FBXO4: variants seen among roughly 807,000 people sequenced by gnomAD.
The protein encoded by FBXO4 is F-box protein 4, also known as F-box only protein 4.
In FBXO4, 36 loss-of-function variants were observed where a neutral mutation model predicts 43.7. The observed-to-expected ratio is 0.82, with a 90% CI of 0.63 to 1.09. FBXO4 has a LOEUF of 1.09. Among genes scored for constraint, FBXO4 ranks in the 50% least tolerant of loss-of-function variants. FBXO4 has a pLI of 0.00. For synonymous variants in FBXO4, 180 were observed against 165.6 expected, an observed-to-expected ratio of 1.09 and a Z score of -0.67; for missense variants, 435 against 474.1, an observed-to-expected ratio of 0.92 and a Z score of 0.77.
intron 1 of FBXO4, among the ~76,000 whole-genome samples, chr5:41,926,550 G>C (rs1397055302): frequency 6.6e-6 from 1 of 152,224 alleles, no homozygotes; most frequent in African/African-American, 2.4e-5. Flanking sequence ...TCCAGCCTGG[G>C]CGACAGAGCG....
chr5:41,952,059 T>C, the FBXO4 span: 5 of 224,814 alleles, frequency 2.2e-5, no homozygotes, highest in East Asian at 6.1e-4. Flanking sequence ...GCAGATGCTA[T>C]CACTTTTTCT....
At chr5:42,016,025 T>TA in the FBXO4 span, among the ~76,000 whole-genome samples, 14 of 152,096 alleles carry the variant, frequency 9.2e-5, no homozygotes, top group Admixed American at 7.9e-4. Context: ...GTAGAAATGT[T>TA]AAGTCTTGTG....
intron 5 of FBXO4, among the ~76,000 whole-genome samples, chr5:41,936,905 T>G (rs1157822355): frequency 6.9e-6 from 1 of 144,242 alleles, no homozygotes; most frequent in Non-Finnish European, 1.5e-5. Flanking sequence ...AGTTTTTTTG[T>G]TTTTTTTTTA....
At chr5:42,035,678 T>C in the FBXO4 span, among the ~76,000 whole-genome samples, 1 of 152,034 alleles carries the variant, frequency 6.6e-6, no homozygotes, top group Non-Finnish European at 1.5e-5. Context: ...CAAATAAAAA[T>C]CGTGTTCCAT....
the FBXO4 span, among the ~76,000 whole-genome samples, chr5:42,000,134 G>A: frequency 6.6e-6 from 1 of 152,136 alleles, no homozygotes; most frequent in African/African-American, 2.4e-5. Flanking sequence ...CATACATGTT[G>A]TCACAAATGG....
the FBXO4 span, among the ~76,000 whole-genome samples, chr5:41,974,035 T>C: frequency 6.6e-6 from 1 of 152,252 alleles, no homozygotes; most frequent in Non-Finnish European, 1.5e-5. Flanking sequence ...TTTTCAGCAC[T>C]GTAAAGCTAG....
intron 3 of FBXO4, among the ~76,000 whole-genome samples, chr5:41,932,609 A>G (rs1164690452): frequency 2.0e-5 from 3 of 152,244 alleles, no homozygotes; most frequent in African/African-American, 4.8e-5. Context: ...CTGAAGGGCA[A>G]TGGCTTTGTA....
chr5:42,023,484 T>C, the FBXO4 span, among the ~76,000 whole-genome samples: 9 of 152,244 alleles, frequency 5.9e-5, no homozygotes, highest in East Asian at 1.7e-3. Context: ...ATAGGTATTC[T>C]ATTTGGGTAC....
At chr5:42,011,024 C>T in the FBXO4 span, among the ~76,000 whole-genome samples, 2 of 152,164 alleles carry the variant, frequency 1.3e-5, no homozygotes, top group South Asian at 4.1e-4. Flanking sequence ...CATCCCTCCC[C>T]TAGCCCCCAA....
At chr5:41,958,425 G>T in the FBXO4 span, among the ~76,000 whole-genome samples, 1 of 152,136 alleles carries the variant, frequency 6.6e-6, no homozygotes, top group Non-Finnish European at 1.5e-5. Context: ...GAGCAGCCCT[G>T]CCAGCCAGCA....
At chr5:41,925,729 C>T (rs1751468015) in intron 1 of FBXO4, among the ~76,000 whole-genome samples, 1 of 152,076 alleles carries the variant, frequency 6.6e-6, no homozygotes, top group Non-Finnish European at 1.5e-5. Flanking sequence ...GAAGCACCTT[C>T]ATGGGGCCCC....
At chr5:41,968,670 C>T in the FBXO4 span, among the ~76,000 whole-genome samples, 1 of 152,044 alleles carries the variant, frequency 6.6e-6, no homozygotes, top group Non-Finnish European at 1.5e-5. Context: ...TGATTAAACA[C>T]CTTTTTTTAA....
At chr5:41,935,953 T>G (rs891068442) in intron 5 of FBXO4, among the ~76,000 whole-genome samples, 1 of 152,224 alleles carries the variant, frequency 6.6e-6, no homozygotes, top group Non-Finnish European at 1.5e-5. Context: ...GAATTTAAAG[T>G]CTGTGTGTTA....
chr5:41,926,017 A>T (rs1281595063), intron 1 of FBXO4, among the ~76,000 whole-genome samples: 1 of 152,236 alleles, frequency 6.6e-6, no homozygotes, highest in African/African-American at 2.4e-5. Flanking sequence ...TTGAAAATAA[A>T]TGACTTAAGT....
the FBXO4 span, among the ~76,000 whole-genome samples, chr5:42,011,456 T>C: frequency 2.6e-5 from 4 of 152,198 alleles, no homozygotes; most frequent in East Asian, 3.8e-4. Context: ...ACCACCAGAA[T>C]TGGGAGCCAA....
the FBXO4 span, among the ~76,000 whole-genome samples, chr5:42,003,799 T>C: frequency 5.3e-5 from 8 of 151,932 alleles, no homozygotes; most frequent in South Asian, 1.7e-3. Context: ...AGTTCAACCA[T>C]TGTGGAAGAC....
the FBXO4 span, among the ~76,000 whole-genome samples, chr5:41,970,241 C>A: frequency 2.0e-5 from 3 of 152,070 alleles, no homozygotes; most frequent in African/African-American, 7.2e-5. Context: ...TTGAAAAATG[C>A]TAAACCTAAA....
At chr5:41,939,369 A>G (rs980361628) in intron 5 of FBXO4, 72 bp from the exon 6 acceptor site, 2 of 1,366,464 alleles carry the variant, frequency 1.5e-6, no homozygotes, top group African/African-American at 2.9e-5. Context: ...TCGCTTTGTT[A>G]GTTTTTTATT....
the FBXO4 span, among the ~76,000 whole-genome samples, chr5:42,014,726 C>T: frequency 6.6e-6 from 1 of 152,108 alleles, no homozygotes; most frequent in African/African-American, 2.4e-5. Flanking sequence ...CTTTAGGTAT[C>T]AATTCACTCT....
Sources: gnomAD v4.1 joint callset for allele counts (sites outside exome capture counted in the v4.1 genomes callset) on GRCh38, gnomAD v4.1.1 for gene constraint, MANE v1.5 for transcripts, NCBI Gene and HGNC (gene_info 2026-07-23, HGNC 2026-07-21) for gene names.